TNC: variants seen among roughly 807,000 people sequenced by gnomAD.
The protein encoded by TNC is tenascin C, also known as tenascin.
In TNC, 109 loss-of-function variants were observed where a neutral mutation model predicts 202.4. The observed-to-expected ratio is 0.54, with a 90% CI of 0.46 to 0.63. TNC has a LOEUF of 0.63. Ranked by LOEUF, TNC falls within the 30% of genes least tolerant of loss-of-function variation. TNC has a pLI of 0.00. For synonymous variants in TNC, 1,007 were observed against 1,089.7 expected, an observed-to-expected ratio of 0.92 and a Z score of 1.50; for missense variants, 2,756 against 2,833.3, an observed-to-expected ratio of 0.97 and a Z score of 0.62.
chr9:115,034,324 C>T (rs1200003656), intron 22 of TNC, among the ~76,000 whole-genome samples: 1 of 152,250 alleles, frequency 6.6e-6, no homozygotes, highest in African/African-American at 2.4e-5. Flanking sequence ...CAGGGAGCCA[C>T]AAAGTTGACA....
chr9:115,098,329 T>C (rs1317852643), intron 1 of TNC, among the ~76,000 whole-genome samples: 2 of 152,252 alleles, frequency 1.3e-5, no homozygotes, highest in Non-Finnish European at 2.9e-5. Context: ...CACATTAAGC[T>C]GCCTCTTGGC....
At chr9:115,035,885 G>A in intron 21 of TNC, 1 of 537,314 alleles carries the variant, frequency 1.9e-6, no homozygotes, top group Non-Finnish European at 3.2e-6. Context: ...CCTTCCCCGT[G>A]GGGAGACCAA....
At chr9:115,048,735 GTAT>G (rs1163379106) in intron 15 of TNC, among the ~76,000 whole-genome samples, 18 of 152,152 alleles carry the variant, frequency 1.2e-4, no homozygotes, top group Non-Finnish European at 8.8e-5. Context: ...CATGAGGTAG[GTAT>G]TATTCTAATT....
rs371690695 is a variant in TNC at position 115,060,014 on chromosome 9, C to T, written c.4034-12G>A. 80 of 1,603,514 alleles carry T rather than the reference C, an allele frequency of 5.0e-5. No homozygotes were observed. The highest frequency in any genetic ancestry group is 5.5e-5 in the Non-Finnish European group (64 of 1,173,918). On this transcript the variant is annotated splice_polypyrimidine_tract_variant and intron_variant, in intron 13 of 27. Coordinates refer to ENST00000350763, the MANE Select transcript of TNC (RefSeq NM_002160.4). The stretch of plus-strand genomic sequence containing the variant: ...CTGTGGGAGATCCTCTGAAGAAGGA[C>T]AGAAAAGTATTTGTCAGTTCTATAA...
chr9:115,088,000 G>T (rs1419732452), intron 2 of TNC, among the ~76,000 whole-genome samples: 1 of 152,166 alleles, frequency 6.6e-6, no homozygotes, highest in African/African-American at 2.4e-5. Context: ...ACCACGACTG[G>T]CCACTATGTT....
intron 1 of TNC, among the ~76,000 whole-genome samples, chr9:115,095,248 G>A (rs1835554593): frequency 6.6e-6 from 1 of 151,880 alleles, no homozygotes; most frequent in Admixed American, 6.6e-5. Context: ...AGCAGTAAGA[G>A]CTTAATAAAA....
chr9:115,036,349 A>T, intron 20 of TNC, 108 bp from the exon 21 acceptor site: 1 of 1,283,620 alleles, frequency 7.8e-7, no homozygotes, highest in South Asian at 1.3e-5. Flanking sequence ...ACTTTCAGTG[A>T]CCCTGCGGAA....
intron 1 of TNC, among the ~76,000 whole-genome samples, chr9:115,106,064 A>G (rs146761307): frequency 0.02 from 3,025 of 152,276 alleles, 78 homozygotes; most frequent in South Asian, 0.12. Flanking sequence ...GGAAGTAGAG[A>G]TATACCTAAC....
chr9:115,064,008 A>C lies in TNC; in HGVS notation c.3548T>G (p.Leu1183Arg). ...GGCCCCTTCTGGAGCAGTCCAGTTG[A>C]GTTTGAGGGCATCCCAGCCCACCTC... ...VAEVGWDALK[L>R]NWTAPEGAYE... The change falls in exon 12 of 28, where the codon CTC becomes CGC. Residue 1183 changes from leucine (L) to arginine (R), a missense_variant. By Grantham distance (102) the Leu-to-Arg change is moderately radical (BLOSUM62 -2). Coordinates refer to ENST00000350763, the MANE Select transcript of TNC (RefSeq NM_002160.4). 1 of 1,613,504 alleles carries C rather than the reference A, an allele frequency of 6.2e-7. No individual in the cohort carries two copies. Among genetic ancestry groups the C allele is most frequent in the Non-Finnish European group, 8.5e-7 (1 of 1,179,672 alleles).
intron 17 of TNC, among the ~76,000 whole-genome samples, chr9:115,042,733 A>G (rs1830858606): frequency 6.6e-6 from 1 of 152,164 alleles, no homozygotes; most frequent in Non-Finnish European, 1.5e-5. Context: ...ACAACTGTAC[A>G]GTTCTTTGCA....
Position 115,087,013 on chromosome 9 carries a change from C to G in TNC, c.718G>C (p.Glu240Gln). The G allele has an allele frequency of 6.2e-7, 1 of 1,613,504 alleles. No homozygotes were observed. Among genetic ancestry groups the G allele is most frequent in the Non-Finnish European group, 8.5e-7 (1 of 1,179,590 alleles). The change falls in exon 3 of 28, where the codon GAA (glutamate) becomes CAA (glutamine). Residue 240 changes from glutamate to glutamine, a missense_variant. Coordinates refer to ENST00000350763, the MANE Select transcript of TNC (RefSeq NM_002160.4). Reference protein sequence around the residue: ...KCVNGVCICFEGYAGADCSRE... With the variant: ...KCVNGVCICFQGYAGADCSRE... ...CTGCAGTCAGCCCCGGCGTAGCCTTCGAAACAGATGCAGACTCCATTTACG... is the reference window on the plus strand; with the variant it reads ...CTGCAGTCAGCCCCGGCGTAGCCTTGGAAACAGATGCAGACTCCATTTACG...
chr9:115,095,816 ATAT>A (rs1026285340), intron 1 of TNC, among the ~76,000 whole-genome samples: 41 of 150,032 alleles, frequency 2.7e-4, no homozygotes, highest in African/African-American at 9.8e-4. Context: ...GAAAGATAAT[ATAT>A]TATTACATAT....
intron 1 of TNC, among the ~76,000 whole-genome samples, chr9:115,095,536 GTA>G (rs1368020357): frequency 0.057 from 93 of 1,620 alleles, 17 homozygotes; most frequent in African/African-American, 0.18. Flanking sequence ...ATATATATAT[GTA>G]TATATATGTA....
At chr9:115,111,104 TACTC>T (rs1168725973) in intron 1 of TNC, among the ~76,000 whole-genome samples, 1 of 152,082 alleles carries the variant, frequency 6.6e-6, no homozygotes, top group Non-Finnish European at 1.5e-5. Context: ...ATTTTTTTAT[TACTC>T]ATCAGTGAGG....
chr9:115,087,014 G>A lies in TNC; in HGVS notation c.717C>T (p.Phe239=), dbSNP rs987453069. ...GKCVNGVCIC[F]EGYAGADCSR... ...TGCAGTCAGCCCCGGCGTAGCCTTC[G>A]AAACAGATGCAGACTCCATTTACGC... Residue 239 remains phenylalanine, a synonymous_variant, in exon 3 of 28, where the codon TTC becomes TTT. Transcript: ENST00000350763. 5.6e-6 allele frequency: 9 copies of A among 1,613,454 alleles called. No individual in the cohort carries two copies. Among genetic ancestry groups the A allele is most frequent in the African/African-American group, 2.7e-5 (2 of 75,006 alleles).
intron 20 of TNC, among the ~76,000 whole-genome samples, chr9:115,036,740 C>T (rs1249318467): frequency 6.6e-6 from 1 of 152,240 alleles, no homozygotes; most frequent in Non-Finnish European, 1.5e-5. Context: ...CACTATCTCT[C>T]AGGCCTGCTG....
intron 11 of TNC, among the ~76,000 whole-genome samples, chr9:115,064,442 A>G (rs538866459): frequency 2.3e-4 from 35 of 152,246 alleles, no homozygotes; most frequent in African/African-American, 8.2e-4. Context: ...AGCTCTGTAC[A>G]ACTCCCAAGG....
At chr9:115,063,310 CATGATTTA>C in intron 12 of TNC, 121 bp from the exon 13 acceptor site, 2 of 1,024,956 alleles carry the variant, frequency 2.0e-6, no homozygotes, top group South Asian at 1.6e-5. Context: ...ATTATAGATG[CATGATTTA>C]CAGCAGGTGT....
At chr9:115,035,101 G>T in intron 22 of TNC, 103 bp downstream of exon 22, 1 of 1,364,980 alleles carries the variant, frequency 7.3e-7, no homozygotes, top group Non-Finnish European at 9.8e-7. Flanking sequence ...CAGCTCCCCA[G>T]ATGCACTGGG....
Sources: allele counts gnomAD v4.1 joint callset (sites outside exome capture counted in the v4.1 genomes callset), GRCh38; gene constraint gnomAD v4.1.1; transcripts MANE v1.5; gene names NCBI Gene and HGNC (gene_info 2026-07-23, HGNC 2026-07-21).